The following MTUS2 variants were observed in gnomAD, a reference collection of about 807,000 sequenced individuals.
MTUS2 encodes microtubule-associated tumor suppressor candidate 2.
MTUS2 carries 40 observed loss-of-function variants against 114.1 expected under a neutral mutation model. The ratio of observed to expected loss-of-function variants is 0.35; its 90% CI spans 0.27 to 0.46. MTUS2 has a LOEUF of 0.46. Among genes scored for constraint, MTUS2 ranks in the 20% least tolerant of loss-of-function variants. MTUS2 has a pLI of 1.00. For missense variants in MTUS2, 1,679 were observed against 1,705.4 expected (o/e 0.98, Z 0.27); for synonymous variants, 688 against 672.0 (o/e 1.02, Z -0.37).
chr13:29,151,533 C>T (rs1351373243), intron 5 of MTUS2, among the ~76,000 whole-genome samples: 1 of 152,106 alleles, frequency 6.6e-6, no homozygotes, highest in Admixed American at 6.6e-5. Flanking sequence ...TTATTTCTTT[C>T]TCTTGCCTTA....
intron 4 of MTUS2, among the ~76,000 whole-genome samples, chr13:29,090,239 G>C (rs1889877933): frequency 6.6e-6 from 1 of 152,148 alleles, no homozygotes; most frequent in Non-Finnish European, 1.5e-5. Context: ...CTAACCCTGG[G>C]GACCTGAGAC....
intron 2 of MTUS2, among the ~76,000 whole-genome samples, chr13:28,874,427 T>A (rs1001878795): frequency 2.0e-5 from 3 of 152,240 alleles, no homozygotes; most frequent in Non-Finnish European, 2.9e-5. Flanking sequence ...ATGGTTTCTG[T>A]TAGCCAGGAA....
rs753807402 is a variant in MTUS2 at position 29,025,841 on chromosome 13, G to T, written c.1143G>T (p.Lys381Asn). The T allele has an allele frequency of 7.4e-6, 12 of 1,613,592 alleles. No homozygotes were observed. The South Asian group carries it at 1.1e-4, about 15-fold the overall frequency. ...LGVGRGNCEEKRGVNPGEQDS... is the reference protein window; with the variant it reads ...LGVGRGNCEENRGVNPGEQDS... ...TGGGAAGAGGCAACTGTGAAGAGAAGAGAGGAGTCAACCCAGGGGAGCAGG... is the reference window on the plus strand; with the variant it reads ...TGGGAAGAGGCAACTGTGAAGAGAATAGAGGAGTCAACCCAGGGGAGCAGG... Residue 381 changes from lysine to asparagine, a missense_variant, in exon 3 of 16, where the codon AAG becomes AAT. Around this residue, in one of 3 missense-constraint regions of MTUS2, gnomAD observed 843 missense variants for 770.8 expected, o/e 1.09. Coordinates refer to ENST00000612955, the MANE Select transcript of MTUS2 (RefSeq NM_001033602.4).
chr13:29,187,462 T>G (rs1188280155), intron 5 of MTUS2, among the ~76,000 whole-genome samples: 2 of 152,156 alleles, frequency 1.3e-5, no homozygotes, highest in East Asian at 3.9e-4. Context: ...AAGGAATACT[T>G]TGATCAATTG....
At chr13:28,985,234 T>A (rs1286623077) in intron 2 of MTUS2, among the ~76,000 whole-genome samples, 1 of 152,200 alleles carries the variant, frequency 6.6e-6, no homozygotes, top group Admixed American at 6.5e-5. Context: ...AGAAAAAGAT[T>A]ATCCAATTCA....
intron 8 of MTUS2, among the ~76,000 whole-genome samples, chr13:29,390,138 CTATA>C (rs1312660281): frequency 7.5e-5 from 10 of 134,004 alleles, no homozygotes; most frequent in Admixed American, 2.4e-4. Context: ...TATATACTGA[CTATA>C]TATATATACA....
At chr13:29,335,385 T>C (rs1901005161) in intron 7 of MTUS2, among the ~76,000 whole-genome samples, 1 of 152,192 alleles carries the variant, frequency 6.6e-6, no homozygotes. Flanking sequence ...TCAGTGACAA[T>C]GTGTGCCCGA....
At chr13:29,127,751 C>T (rs1566022289) in intron 5 of MTUS2, among the ~76,000 whole-genome samples, 1 of 152,240 alleles carries the variant, frequency 6.6e-6, no homozygotes, top group Non-Finnish European at 1.5e-5. Context: ...CCTGATTCTC[C>T]TCTGATCCGA....
rs1031148304 is a variant in MTUS2 at position 29,319,349 on chromosome 13, G to A, written c.2807-5264G>A. ...CCCCAGGGGGGACTTCAACCGCAGC[G>A]GCAGGAATGCATTTTCATCTCCTGG... On this transcript the variant is annotated intron_variant, in intron 6 of 15. Coordinates refer to ENST00000612955, the MANE Select transcript of MTUS2 (RefSeq NM_001033602.4). 3.9e-5 allele frequency among the ~76,000 whole-genome samples: 6 copies of A among 152,080 alleles called. No homozygotes were observed. The South Asian group carries it at 6.2e-4, about 16-fold the overall frequency.
In MTUS2 at chr13:29,292,604, G is replaced by A. The variant is rs117320482; in HGVS notation, c.2806+10739G>A. On this transcript the variant is annotated intron_variant, in intron 6 of 15. Coordinates refer to ENST00000612955, the MANE Select transcript of MTUS2 (RefSeq NM_001033602.4). ...CTAGCAGATCAGGAGTTCACGGTACGATGGATTAAGAAAAGAATGACCTGA... is the reference window on the plus strand; with the variant it reads ...CTAGCAGATCAGGAGTTCACGGTACAATGGATTAAGAAAAGAATGACCTGA... 1.3e-3 allele frequency among the ~76,000 whole-genome samples: 195 copies of A among 152,252 alleles called. 2 individuals are homozygous for A. The East Asian group carries it at 0.037, about 29-fold the overall frequency.
chr13:29,142,082 G>A (rs951173733), intron 5 of MTUS2, among the ~76,000 whole-genome samples: 4 of 151,776 alleles, frequency 2.6e-5, no homozygotes, highest in African/African-American at 4.8e-5. Flanking sequence ...GGATGGTCTC[G>A]ATCTCCTGAC....
At chr13:29,414,394 A>G (rs1300037196) in intron 8 of MTUS2, among the ~76,000 whole-genome samples, 1 of 124,498 alleles carries the variant, frequency 8.0e-6, no homozygotes, top group Non-Finnish European at 1.7e-5. Context: ...AGCATGGCAC[A>G]TGTATACATA....
At chr13:29,152,896 G>A (rs1238378930) in intron 5 of MTUS2, among the ~76,000 whole-genome samples, 1 of 152,144 alleles carries the variant, frequency 6.6e-6, no homozygotes, top group African/African-American at 2.4e-5. Context: ...ATACTTGGGG[G>A]CAATCTCAGA....
At chr13:29,453,111 A>G (rs1566208871) in intron 9 of MTUS2, among the ~76,000 whole-genome samples, 1 of 152,218 alleles carries the variant, frequency 6.6e-6, no homozygotes, top group Non-Finnish European at 1.5e-5. Context: ...TTCCCACCAT[A>G]ACCATATCAG....
chr13:29,423,455 G>T (rs1566192012), intron 8 of MTUS2, among the ~76,000 whole-genome samples: 1 of 152,196 alleles, frequency 6.6e-6, no homozygotes. Context: ...CTTGTGTCAG[G>T]AAGCAAGGAA....
chr13:29,078,964 C>A (rs931279916), intron 4 of MTUS2, among the ~76,000 whole-genome samples: 1 of 152,182 alleles, frequency 6.6e-6, no homozygotes, highest in Non-Finnish European at 1.5e-5. Flanking sequence ...TCACATTGCA[C>A]CTCTGTATTT....
chr13:29,124,448 A>T (rs1891432817), intron 5 of MTUS2, among the ~76,000 whole-genome samples: 1 of 152,138 alleles, frequency 6.6e-6, no homozygotes, highest in African/African-American at 2.4e-5. Context: ...GTTGGTGAGG[A>T]TGTGAAGACA....
At chr13:28,874,294 C>T (rs1877802160) in intron 2 of MTUS2, among the ~76,000 whole-genome samples, 1 of 152,140 alleles carries the variant, frequency 6.6e-6, no homozygotes, top group African/African-American at 2.4e-5. Context: ...ACCACCATGC[C>T]CCGCCACTTA....
chr13:29,271,852 A>G (rs531623186), intron 5 of MTUS2, among the ~76,000 whole-genome samples: 5 of 152,296 alleles, frequency 3.3e-5, no homozygotes, highest in African/African-American at 1.2e-4. Flanking sequence ...TGACCAATCA[A>G]TGTTTTGTGG....
Sources: allele counts gnomAD v4.1 joint callset (sites outside exome capture counted in the v4.1 genomes callset), GRCh38; gene constraint gnomAD v4.1.1; regional missense constraint gnomAD v4.1.1; transcripts MANE v1.5; gene names NCBI Gene and HGNC (gene_info 2026-07-23, HGNC 2026-07-21).